XRCC2: variants seen among roughly 807,000 people sequenced by gnomAD.
XRCC2 encodes X-ray repair cross complementing 2, also known as DNA repair protein XRCC2.
XRCC2 carries 24 observed loss-of-function variants against 27.3 expected under a neutral mutation model. The ratio of observed to expected loss-of-function variants is 0.88; its 90% CI spans 0.64 to 1.24. XRCC2 has a LOEUF of 1.24. Ranked by LOEUF, XRCC2 falls within the 50% of genes most tolerant of loss-of-function variation. The probability of loss-of-function intolerance (pLI) is 0.00; values close to 1 mark genes in which losing one functional copy is unlikely to be tolerated. For synonymous variants in XRCC2, 106 were observed against 115.4 expected (o/e 0.92, Z 0.52); for missense variants, 321 against 325.8 (o/e 0.99, Z 0.11).
At chr7:152,655,827 A>G (rs545533207) in intron 2 of XRCC2, among the ~76,000 whole-genome samples, 2 of 152,082 alleles carry the variant, frequency 1.3e-5, no homozygotes, top group African/African-American at 2.4e-5. Flanking sequence ...CCTGGCCAAC[A>G]TGTTGGAACC....
At chr7:152,662,455 AAAACT>A (rs1563030827) in intron 1 of XRCC2, among the ~76,000 whole-genome samples, 2 of 152,040 alleles carry the variant, frequency 1.3e-5, no homozygotes, top group Non-Finnish European at 2.9e-5. Flanking sequence ...CAAGGGAGAC[AAAACT>A]GATTCTCAAG....
chr7:152,654,982 TG>T, intron 2 of XRCC2, among the ~76,000 whole-genome samples: 1 of 152,352 alleles, frequency 6.6e-6, no homozygotes, highest in South Asian at 2.1e-4. Context: ...TCAAATATTA[TG>T]TCCTACAGAA....
chr7:152,673,452 A>C (rs1032686566), intron 1 of XRCC2, among the ~76,000 whole-genome samples: 2 of 152,184 alleles, frequency 1.3e-5, no homozygotes, highest in African/African-American at 4.8e-5. Flanking sequence ...GGCATGAGCC[A>C]CTGCACCCAG....
At position 152,649,127 on chromosome 7, in the gene XRCC2, A is replaced by G. The variant is rs1394795091; in HGVS notation, c.358T>C (p.Cys120Arg). 8.1e-6 allele frequency: 13 copies of G among 1,613,896 alleles called. No individual in the cohort carries two copies. The highest frequency in any genetic ancestry group is 1.1e-5 in the Non-Finnish European group (13 of 1,179,952). Residue 120 changes from cysteine (C) to arginine (R), a missense_variant, in exon 3 of 3, where the codon TGC becomes CGC. Transcript: ENST00000359321. ...YCLGRFFLVYCSSSTHLLLTL... is the reference protein window; with the variant it reads ...YCLGRFFLVYRSSSTHLLLTL... The stretch of plus-strand genomic sequence containing the variant: ...AGAAGTAAGTGGGTGCTACTACTGC[A>G]GTACACCAAAAAAAATCTTCCCAGG...
chr7:152,675,731 C>G lies in XRCC2; in HGVS notation c.39+310G>C, dbSNP rs3218387. Among the ~76,000 whole-genome samples the G allele has an allele frequency of 0.052, 7,979 of 152,276 alleles. 261 individuals carry two copies. Among genetic ancestry groups the G allele is most frequent in the East Asian group, 0.12 (644 of 5,170 alleles). On this transcript the variant is annotated intron_variant, in intron 1 of 2. Transcript: ENST00000359321. ...TGTGAGGGGTTTTTAGACCATAACT[C>G]TTGGGAGGAGAGACCTCGTATGTTA...
chr7:152,650,990 A>G (rs1454635058), intron 2 of XRCC2, among the ~76,000 whole-genome samples: 3 of 151,998 alleles, frequency 2.0e-5, no homozygotes, highest in Non-Finnish European at 4.4e-5. Context: ...CCTAGGCTGG[A>G]GTGCAGTGGT....
Position 152,646,846 on chromosome 7 carries a change from T to C in XRCC2, c.*1796A>G, listed in dbSNP as rs993343857. The C allele has an allele frequency of 6.6e-6, 1 of 152,250 alleles. No individual in the cohort carries two copies. Among genetic ancestry groups the C allele is most frequent in the South Asian group, 2.1e-4 (1 of 4,828 alleles). 9.4% of individuals were successfully genotyped at this position (152,250 alleles called of 1,614,324 possible). ...TGTACCACATTTTTTTAATCCAGTC[T>C]GTCACTGATGGGCAGTGCTGCAACG... On this transcript the variant is annotated 3_prime_UTR_variant, in exon 3 of 3. Coordinates refer to ENST00000359321, the MANE Select transcript of XRCC2 (RefSeq NM_005431.2).
In XRCC2 at chr7:152,674,536, C is replaced by T. The variant is rs958109994; in HGVS notation, c.39+1505G>A. 2.6e-5 allele frequency among the ~76,000 whole-genome samples: 4 copies of T among 151,296 alleles called. No individual in the cohort carries two copies. The East Asian group carries it at 5.8e-4, about 22-fold the overall frequency. On this transcript the variant is annotated intron_variant, in intron 1 of 2. Coordinates refer to ENST00000359321, the MANE Select transcript of XRCC2 (RefSeq NM_005431.2). ...CTGAGGCAGGACAATCGCTTGAACC[C>T]GGGAGGCGGAAGTTGCAGTGAGCTG... is the stretch of plus-strand genomic sequence containing the variant.
intron 1 of XRCC2, among the ~76,000 whole-genome samples, chr7:152,666,653 T>A (rs189364112): frequency 6.6e-6 from 1 of 151,994 alleles, no homozygotes; most frequent in African/African-American, 2.4e-5. Flanking sequence ...AGTCTCGCTT[T>A]GTCACCAAGG....
At chr7:152,662,289 C>G (rs542280077) in intron 1 of XRCC2, among the ~76,000 whole-genome samples, 1 of 151,864 alleles carries the variant, frequency 6.6e-6, no homozygotes, top group South Asian at 2.1e-4. Context: ...AACAGATCAT[C>G]TTGGTGGTTA....
rs1023588311 is a variant in XRCC2 at position 152,646,999 on chromosome 7, C to A, written c.*1643G>T. ...CACACTGTCTTCCACAATGGCTGAA[C>A]TAATTTAATTTACATTTCCACCAAC... On this transcript the variant is annotated 3_prime_UTR_variant, in exon 3 of 3. Transcript: ENST00000359321. 4 of 152,172 alleles carry A rather than the reference C, an allele frequency of 2.6e-5. No homozygotes were observed. Among genetic ancestry groups the A allele is most frequent in the Non-Finnish European group, 5.9e-5 (4 of 68,036 alleles). The allele number at this position is 152,172 out of a possible 1,614,324, so 9.4% of individuals were successfully genotyped here.
chr7:152,649,744 T>C (rs1223383784), intron 2 of XRCC2, among the ~76,000 whole-genome samples: 1 of 152,182 alleles, frequency 6.6e-6, no homozygotes, highest in African/African-American at 2.4e-5. Flanking sequence ...CCCAATTTGA[T>C]GGGGAGGGAA....
In XRCC2 at chr7:152,647,222, C is replaced by A. The variant is rs764108356; in HGVS notation, c.*1420G>T. 2.6e-5 allele frequency: 4 copies of A among 152,166 alleles called. No individual in the cohort carries two copies. The highest frequency in any genetic ancestry group is 4.4e-5 in the Non-Finnish European group (3 of 68,024). The allele number at this position is 152,166 out of a possible 1,614,324, so 9.4% of individuals were successfully genotyped here. A position where few individuals can be genotyped will look rare whatever the true frequency, so the allele number is the denominator to read the frequency against. On this transcript the variant is annotated 3_prime_UTR_variant, in exon 3 of 3. Coordinates refer to ENST00000359321, the MANE Select transcript of XRCC2 (RefSeq NM_005431.2). ...TGTCTTCTTTTGAAAAGTGTCTGTTCATGTCCTTTGCCCACTTTTTAATGG... is the reference window on the plus strand; with the variant it reads ...TGTCTTCTTTTGAAAAGTGTCTGTTAATGTCCTTTGCCCACTTTTTAATGG...
At chr7:152,662,957 G>A (rs938180658) in intron 1 of XRCC2, among the ~76,000 whole-genome samples, 11 of 152,070 alleles carry the variant, frequency 7.2e-5, no homozygotes, top group Admixed American at 5.9e-4. Context: ...TTTAACAGGC[G>A]TTCGTTGAAT....
chr7:152,653,457 G>A (rs2098029395), intron 2 of XRCC2, among the ~76,000 whole-genome samples: 1 of 152,080 alleles, frequency 6.6e-6, no homozygotes, highest in Admixed American at 6.6e-5. Flanking sequence ...ATCAAATACA[G>A]ACATAAAGTA....
chr7:152,665,454 G>C (rs1331852877), intron 1 of XRCC2, among the ~76,000 whole-genome samples: 3 of 143,904 alleles, frequency 2.1e-5, no homozygotes, highest in African/African-American at 7.6e-5. Context: ...ATCATTCCTG[G>C]GTAAAAGATT....
chr7:152,673,702 CTAAAAAATAAAAA>C (rs2098039077), intron 1 of XRCC2, among the ~76,000 whole-genome samples: 1 of 151,792 alleles, frequency 6.6e-6, no homozygotes, highest in African/African-American at 2.4e-5. Flanking sequence ...CCGGTCTCTG[CTAAAAAATAAAAA>C]TAAAAAATAA....
At chr7:152,669,811 G>A (rs1401445018) in intron 1 of XRCC2, among the ~76,000 whole-genome samples, 2 of 151,958 alleles carry the variant, frequency 1.3e-5, no homozygotes, top group African/African-American at 4.8e-5. Flanking sequence ...CAAAACTGAT[G>A]GGGAGGCCAG....
chr7:152,650,496 T>C (rs959560613), intron 2 of XRCC2, among the ~76,000 whole-genome samples: 32 of 152,246 alleles, frequency 2.1e-4, no homozygotes, highest in African/African-American at 7.7e-4. Flanking sequence ...CACAGTGGCA[T>C]TCAACTCTTG....
Sources: gnomAD v4.1 joint callset for allele counts (sites outside exome capture counted in the v4.1 genomes callset) on GRCh38, gnomAD v4.1.1 for gene constraint, MANE v1.5 for transcripts, NCBI Gene and HGNC (gene_info 2026-07-23, HGNC 2026-07-21) for gene names.